Variants in ASTN2 observed in about 807,000 individuals in gnomAD.
ASTN2 encodes the protein astrotactin 2, also known as astrotactin-2.
A neutral mutation model predicts 139.8 loss-of-function variants in ASTN2; 54 were observed. The ratio of observed to expected loss-of-function variants is 0.39; its 90% confidence interval spans 0.31 to 0.48. ASTN2 has a LOEUF of 0.48. Ranked by LOEUF, ASTN2 falls within the 20% of genes least tolerant of loss-of-function variation. ASTN2 has a pLI of 0.95. For missense variants in ASTN2, 1,565 were observed against 1,725.1 expected (o/e 0.91, Z 1.64); for synonymous variants, 756 against 719.5 (o/e 1.05, Z -0.81).
intron 1 of ASTN2, among the ~76,000 whole-genome samples, chr9:117,373,882 T>C (rs969771067): frequency 6.6e-6 from 1 of 152,208 alleles, no homozygotes; most frequent in Non-Finnish European, 1.5e-5. Flanking sequence ...GCACATATCC[T>C]AACATGTTCC....
intron 6 of ASTN2, among the ~76,000 whole-genome samples, chr9:117,036,942 A>G (rs1351442033): frequency 1.3e-5 from 2 of 152,144 alleles, no homozygotes; most frequent in Admixed American, 6.5e-5. Flanking sequence ...ATTTTAAAAC[A>G]TCTTGATTTC....
intron 2 of ASTN2, among the ~76,000 whole-genome samples, chr9:117,288,084 T>G (rs908974606): frequency 2.0e-5 from 3 of 152,184 alleles, no homozygotes; most frequent in Admixed American, 1.3e-4. Context: ...TTTCTCTGCA[T>G]CCTGCCACCT....
intron 7 of ASTN2, among the ~76,000 whole-genome samples, chr9:116,991,244 T>C (rs1836844945): frequency 6.6e-6 from 1 of 152,168 alleles, no homozygotes; most frequent in Non-Finnish European, 1.5e-5. Context: ...AAATGCTGCC[T>C]TCAGTCTAGC....
chr9:117,300,871 T>C lies in ASTN2; in HGVS notation c.443-9358A>G, dbSNP rs551918253. 4.6e-5 allele frequency among the ~76,000 whole-genome samples: 7 copies of C among 152,272 alleles called. No individual in the cohort carries two copies. In the South Asian group the frequency reaches 1.4e-3, roughly 32 times the overall value. On this transcript the variant is annotated intron_variant, in intron 1 of 22. Coordinates refer to ENST00000313400, the MANE Select transcript of ASTN2 (RefSeq NM_001365068.1). ...AGAGTCTCCAGACTCCAGAGGTGCC[T>C]TAGACTCCTCCTCCCCAACCCCAGC...
chr9:117,352,090 C>A (rs1829410108), intron 1 of ASTN2, among the ~76,000 whole-genome samples: 2 of 152,126 alleles, frequency 1.3e-5, no homozygotes, highest in African/African-American at 4.8e-5. Context: ...CTCAATATAC[C>A]TTTATCAGAG....
intron 11 of ASTN2, among the ~76,000 whole-genome samples, chr9:116,821,168 AAGGGTCACATAGGG>A (rs1167350973): frequency 6.6e-6 from 1 of 152,188 alleles, no homozygotes; most frequent in East Asian, 1.9e-4. Context: ...CTACTGCTAG[AAGGGTCACATAGGG>A]AGGCTGCCAG....
chr9:117,248,611 G>A lies in ASTN2; in HGVS notation c.631-33869C>T, dbSNP rs116738555. On this transcript the variant is annotated intron_variant, in intron 2 of 22. Coordinates refer to ENST00000313400, the MANE Select transcript of ASTN2 (RefSeq NM_001365068.1). The stretch of plus-strand genomic sequence containing the variant: ...TGTGCTCAGTGACTAGGCTGGAACC[G>A]CAATACTGTTGGACAATGACAAGAC... Among the ~76,000 whole-genome samples, 127 of 152,308 alleles carry A rather than the reference G, an allele frequency of 8.3e-4. 1 individual carries two copies. Among genetic ancestry groups the A allele is most frequent in the African/African-American group, 2.8e-3 (115 of 41,564 alleles).
At chr9:117,003,011 T>G (rs1837235726) in intron 7 of ASTN2, among the ~76,000 whole-genome samples, 1 of 150,948 alleles carries the variant, frequency 6.6e-6, no homozygotes, top group Non-Finnish European at 1.5e-5. Flanking sequence ...TGCTCTCCCA[T>G]TAAAAGGAAA....
At chr9:117,030,560 C>T (rs1425218328) in intron 6 of ASTN2, among the ~76,000 whole-genome samples, 1 of 152,174 alleles carries the variant, frequency 6.6e-6, no homozygotes, top group Non-Finnish European at 1.5e-5. Flanking sequence ...TTAAAAATCC[C>T]AGTCCCACTG....
intron 19 of ASTN2, among the ~76,000 whole-genome samples, chr9:116,545,464 C>T (rs988495085): frequency 2.6e-5 from 4 of 152,110 alleles, no homozygotes; most frequent in Non-Finnish European, 4.4e-5. Flanking sequence ...TCCAAGAAAC[C>T]TTACACATAT....
intron 4 of ASTN2, among the ~76,000 whole-genome samples, chr9:117,139,154 T>C (rs1830016996): frequency 6.6e-6 from 1 of 152,172 alleles, no homozygotes. Context: ...GAAGTAAAGA[T>C]GAATAGGTAA....
At chr9:117,155,836 A>G (rs1264035366) in intron 3 of ASTN2, among the ~76,000 whole-genome samples, 1 of 152,066 alleles carries the variant, frequency 6.6e-6, no homozygotes, top group Non-Finnish European at 1.5e-5. Flanking sequence ...CTAACTTTTC[A>G]TTCAATTATC....
intron 19 of ASTN2, among the ~76,000 whole-genome samples, chr9:116,525,478 G>A (rs918337514): frequency 3.3e-5 from 5 of 152,294 alleles, no homozygotes; most frequent in Middle Eastern, 3.4e-3. Flanking sequence ...CCCTCATCCA[G>A]TCTGAGAGCC....
intron 1 of ASTN2, among the ~76,000 whole-genome samples, chr9:117,329,205 T>A (rs1469243772): frequency 7.1e-6 from 1 of 141,772 alleles, no homozygotes; most frequent in African/African-American, 2.6e-5. Context: ...TTTTTTTTTT[T>A]ACTTTTTGAA....
intron 10 of ASTN2, among the ~76,000 whole-genome samples, chr9:116,881,553 G>A (rs1207555274): frequency 6.6e-6 from 1 of 152,178 alleles, no homozygotes; most frequent in Admixed American, 6.5e-5. Flanking sequence ...AAAATGATAA[G>A]CCACTTAAAG....
intron 19 of ASTN2, among the ~76,000 whole-genome samples, chr9:116,590,172 C>T (rs532778466): frequency 5.9e-5 from 9 of 152,178 alleles, no homozygotes; most frequent in Non-Finnish European, 1.0e-4. Context: ...AGCGGGAGCC[C>T]CACCCTCCGA....
chr9:116,846,548 G>T (rs1007755451), intron 11 of ASTN2, among the ~76,000 whole-genome samples: 5 of 152,134 alleles, frequency 3.3e-5, no homozygotes, highest in Admixed American at 6.5e-5. Context: ...ATGCTACTGC[G>T]TGGCTGGGTT....
intron 1 of ASTN2, among the ~76,000 whole-genome samples, chr9:117,374,894 C>T (rs1430435690): frequency 6.6e-6 from 1 of 152,124 alleles, no homozygotes; most frequent in Non-Finnish European, 1.5e-5. Flanking sequence ...TACTGTCAAC[C>T]CAGAATTGAA....
At chr9:116,444,301 C>A (rs894045810) in intron 20 of ASTN2, among the ~76,000 whole-genome samples, 4 of 152,186 alleles carry the variant, frequency 2.6e-5, no homozygotes, top group African/African-American at 9.6e-5. Flanking sequence ...GCCACACTTG[C>A]TGAACCCCAA....
Sources: allele counts gnomAD v4.1 joint callset (sites outside exome capture counted in the v4.1 genomes callset), GRCh38; gene constraint gnomAD v4.1.1; transcripts MANE v1.5; gene names NCBI Gene and HGNC (gene_info 2026-07-23, HGNC 2026-07-21).